The following TMEM43 variants were observed in gnomAD, a reference collection of about 807,000 sequenced individuals.
TMEM43 encodes the protein transmembrane protein 43.
TMEM43 carries 45 observed loss-of-function variants against 49.6 expected under a neutral mutation model. The observed-to-expected ratio is 0.91, with a 90% CI of 0.71 to 1.16. The LOEUF (loss-of-function observed/expected upper bound fraction) is 1.16. TMEM43 is among the 50% of genes most tolerant of loss of function. The pLI is 0.00. For missense variants in TMEM43, 532 were observed against 516.6 expected (o/e 1.03, Z -0.29); for synonymous variants, 199 against 207.8 (o/e 0.96, Z 0.36).
At chr3:14,129,156 T>G (rs1306201359) in intron 1 of TMEM43, 6 of 403,050 alleles carry the variant, frequency 1.5e-5, no homozygotes, top group Non-Finnish European at 2.8e-5. Flanking sequence ...AGGGGGAGAA[T>G]TGGCAGGAAA....
Position 14,141,850 on chromosome 3 carries a change from C to G in TMEM43, c.*55C>G. On this transcript the variant is annotated 3_prime_UTR_variant, in exon 12 of 12. Transcript: ENST00000306077. ...GTGAGCCCTAGGATCCAGGTCCTCT[C>G]TCACCTCTGACCCAGCTCCATGCCA... 4.5e-6 allele frequency: 7 copies of G among 1,545,538 alleles called. No homozygotes were observed. The highest frequency in any genetic ancestry group is 6.1e-6 in the Non-Finnish European group (7 of 1,141,822).
intron 1 of TMEM43, among the ~76,000 whole-genome samples, chr3:14,128,699 T>C (rs900895718): frequency 6.6e-6 from 1 of 152,252 alleles, no homozygotes; most frequent in Admixed American, 6.5e-5. Flanking sequence ...TAATAACCTC[T>C]TTGTAAAATA....
chr3:14,129,582 C>G (rs137975239), intron 2 of TMEM43, 21 bp downstream of exon 2: 1 of 1,613,634 alleles, frequency 6.2e-7, no homozygotes, highest in Non-Finnish European at 8.5e-7. Flanking sequence ...TGGGGTCTTC[C>G]TGTGCAGAGT....
chr3:14,135,292 GACA>G, intron 9 of TMEM43, 60 bp downstream of exon 9: 3 of 1,428,772 alleles, frequency 2.1e-6, no homozygotes, highest in Non-Finnish European at 2.9e-6. Flanking sequence ...CCTGGACACA[GACA>G]CCTTGGTCAA....
intron 10 of TMEM43, 149 bp from the exon 11 acceptor site, chr3:14,139,031 C>A: frequency 1.5e-6 from 1 of 687,118 alleles, no homozygotes; most frequent in Non-Finnish European, 2.6e-6. Flanking sequence ...AAGGACTTAG[C>A]CCTATAGGAG....
chr3:14,129,460 T>C lies in TMEM43; in HGVS notation c.61T>C (p.Ser21Pro). The C allele has an allele frequency of 6.2e-7, 1 of 1,614,056 alleles. No individual in the cohort carries two copies. Among genetic ancestry groups the C allele is most frequent in the Non-Finnish European group, 8.5e-7 (1 of 1,179,990 alleles). ...AGAACATGTCAAAGTTAAAACCAGC[T>C]CCCAGCCAGGCTTCCTGGAACGGCT... is the stretch of plus-strand genomic sequence containing the variant. Reference protein sequence around the residue: ...RREHVKVKTSSQPGFLERLSE... With the variant: ...RREHVKVKTSPQPGFLERLSE... The change falls in exon 2 of 12, where the codon TCC becomes CCC. Residue 21 changes from serine (S) to proline (P), a missense_variant. By Grantham distance (74) the Ser-to-Pro change is moderately conservative. Coordinates refer to ENST00000306077, the MANE Select transcript of TMEM43 (RefSeq NM_024334.3).
At chr3:14,125,476 G>A (rs1331280004) in intron 1 of TMEM43, among the ~76,000 whole-genome samples, 2 of 151,784 alleles carry the variant, frequency 1.3e-5, no homozygotes, top group Admixed American at 1.3e-4. Context: ...CCCGTACTGG[G>A]ATCTGCTTGT....
chr3:14,130,628 T>A (rs1018885486), intron 2 of TMEM43, among the ~76,000 whole-genome samples, 194 bp from the exon 3 acceptor site: 1 of 151,866 alleles, frequency 6.6e-6, no homozygotes. Flanking sequence ...TAGGAAGAAG[T>A]CTCCCTGGGA....
rs1006223432 is a variant in TMEM43 at position 14,143,029 on chromosome 3, C to T, written c.*1234C>T. 5.3e-5 allele frequency: 8 copies of T among 152,214 alleles called. No individual in the cohort carries two copies. Among genetic ancestry groups the T allele is most frequent in the African/African-American group, 1.9e-4 (8 of 41,434 alleles). The allele number at this position is 152,214 out of a possible 1,614,324, so 9.4% of individuals were successfully genotyped here. A position where few individuals can be genotyped will look rare whatever the true frequency, so the allele number is the denominator to read the frequency against. ...TGGGCACCTGGGCTTCCTAGGGCTG[C>T]TTCTGAGTGGTTCTTTCACGTGTTG... On this transcript the variant is annotated 3_prime_UTR_variant, in exon 12 of 12. Transcript: ENST00000306077.
At position 14,131,474 on chromosome 3, in the gene TMEM43, C is replaced by T. The variant is rs3964375; in HGVS notation, c.298-106C>T. The T allele has an allele frequency of 0.11, 101,413 of 916,936 alleles. 6,459 individuals are homozygous for T. Among genetic ancestry groups the T allele is most frequent in the Admixed American group, 0.15 (7,521 of 50,186 alleles). 56.8% of individuals were successfully genotyped at this position (916,936 alleles called of 1,614,324 possible). On this transcript the variant is annotated intron_variant, in intron 3 of 11. Coordinates refer to ENST00000306077, the MANE Select transcript of TMEM43 (RefSeq NM_024334.3). ...GTGTAGGGCTCTCCACCCTTGTCCC[C>T]TTCTCTATTTCTTCCTCTTCCAGTC...
intron 1 of TMEM43, chr3:14,128,960 C>T: frequency 2.2e-6 from 1 of 456,502 alleles, no homozygotes; most frequent in Non-Finnish European, 4.4e-6. Context: ...GGAACAAATT[C>T]CTGATAAACA....
chr3:14,134,366 G>A (rs1695139398), intron 7 of TMEM43, among the ~76,000 whole-genome samples: 1 of 152,368 alleles, frequency 6.6e-6, no homozygotes, highest in Middle Eastern at 3.4e-3. Context: ...GTCCTGGGGA[G>A]GCTGGATGAT....
chr3:14,139,047 C>A, intron 10 of TMEM43, 133 bp from the exon 11 acceptor site: 2 of 731,426 alleles, frequency 2.7e-6, no homozygotes, highest in Admixed American at 1.9e-5. Context: ...AGGAGGCTTG[C>A]CCCCACTCCG....
At position 14,125,136 on chromosome 3, in the gene TMEM43, C is replaced by A. The variant is rs1338842986; in HGVS notation, c.-58C>A. 1 of 1,604,182 alleles carries A rather than the reference C, an allele frequency of 6.2e-7. No individual in the cohort carries two copies. Among genetic ancestry groups the A allele is most frequent in the South Asian group, 1.1e-5 (1 of 89,742 alleles). On this transcript the variant is annotated 5_prime_UTR_variant, in exon 1 of 12. Transcript: ENST00000306077. ...AGGCCGCTGGACACCACGCTCCAGT[C>A]GTCAGCCCACTTCCTAGCTGAACAG...
At chr3:14,138,257 T>C (rs1186201054) in intron 10 of TMEM43, among the ~76,000 whole-genome samples, 2 of 152,152 alleles carry the variant, frequency 1.3e-5, no homozygotes, top group Non-Finnish European at 2.9e-5. Flanking sequence ...ACACTTGACC[T>C]GGACTGGGGA....
Position 14,131,673 on chromosome 3 carries a change from A to G in TMEM43, c.391A>G (p.Arg131Gly). The part of the protein sequence containing the change: ...MYQWVETEES[R>G]EYTEDGQVKK... ...CCAATGGGTAGAAACTGAGGAGTCCAGGTGAGCTGTTGGGGTGAAAACTCT... is the reference window on the plus strand; with the variant it reads ...CCAATGGGTAGAAACTGAGGAGTCCGGGTGAGCTGTTGGGGTGAAAACTCT... The change falls in exon 4 of 12, where the codon AGG becomes GGG. Residue 131 changes from arginine to glycine, a missense_variant and splice_region_variant. Arg to Gly is a moderately radical substitution (Grantham distance 125). Coordinates refer to ENST00000306077, the MANE Select transcript of TMEM43 (RefSeq NM_024334.3). The G allele has an allele frequency of 1.2e-6, 2 of 1,612,970 alleles. No individual in the cohort carries two copies. Among genetic ancestry groups the G allele is most frequent in the South Asian group, 1.1e-5 (1 of 91,012 alleles).
At chr3:14,136,137 G>A in intron 10 of TMEM43, 2 of 626,274 alleles carry the variant, frequency 3.2e-6, no homozygotes, top group African/African-American at 1.8e-5. Context: ...GAGATCTCTT[G>A]GGGATGAGAA....
chr3:14,139,895 C>A (rs576748527), intron 11 of TMEM43, among the ~76,000 whole-genome samples: 1 of 152,250 alleles, frequency 6.6e-6, no homozygotes, highest in African/African-American at 2.4e-5. Context: ...TGTGGCCCAG[C>A]GTGGTTCGGG....
rs10648308 is a variant in TMEM43 at position 14,129,307 on chromosome 3, TA to T, written c.13-78del. ...TGTTTTTACCACATACAGTTAAAAC[TA>T]AAAAAAAAAAAAAAAAAAAAAAAAA... On this transcript the variant is annotated intron_variant, in intron 1 of 11. Coordinates refer to ENST00000306077, the MANE Select transcript of TMEM43 (RefSeq NM_024334.3). 52,680 of 375,952 alleles carry T rather than the reference TA, an allele frequency of 0.14. 342 individuals carry two copies. Among genetic ancestry groups the T allele is most frequent in the East Asian group, 0.21 (2,828 of 13,456 alleles). The allele number at this position is 375,952 out of a possible 1,614,324, so 23.3% of individuals were successfully genotyped here.
Sources: gnomAD v4.1 joint callset for allele counts (sites outside exome capture counted in the v4.1 genomes callset) on GRCh38, gnomAD v4.1.1 for gene constraint, MANE v1.5 for transcripts, NCBI Gene and HGNC (gene_info 2026-07-23, HGNC 2026-07-21) for gene names.